KCNQ5: variants seen among roughly 807,000 people sequenced by gnomAD.
KCNQ5 encodes potassium voltage-gated channel subfamily Q member 5, also known as potassium voltage-gated channel subfamily KQT member 5.
Under a neutral mutation model 98.2 loss-of-function variants are expected in KCNQ5, and 30 were observed. The ratio of observed to expected loss-of-function variants is 0.31; its 90% CI spans 0.23 to 0.41. The LOEUF is 0.41. Ranked by LOEUF, KCNQ5 falls within the 10% of genes least tolerant of loss-of-function variation. KCNQ5 has a pLI of 1.00. For missense variants in KCNQ5, 835 were observed against 1,182.5 expected (o/e 0.71, Z 4.31); for synonymous variants, 458 against 449.4 (o/e 1.02, Z -0.24).
At chr6:72,877,326 G>C (rs1450313516) in intron 1 of KCNQ5, among the ~76,000 whole-genome samples, 1 of 152,034 alleles carries the variant, frequency 6.6e-6, no homozygotes, top group Admixed American at 6.6e-5. Context: ...TTGGTTTTCT[G>C]TTCCTGTGTT....
At chr6:72,860,006 A>G (rs1231382267) in intron 1 of KCNQ5, among the ~76,000 whole-genome samples, 1 of 152,134 alleles carries the variant, frequency 6.6e-6, no homozygotes, top group Non-Finnish European at 1.5e-5. Context: ...TCCATCCTCA[A>G]AAAGTGATTA....
In KCNQ5 at chr6:72,771,973, A is replaced by G. The variant is rs972999700; in HGVS notation, c.398+149386A>G. ...TGCTTTTGTTTATTTCTCTGGGGAG[A>G]TAGTCTATGGTTTTCAGCAAATTCT... is the stretch of plus-strand genomic sequence containing the variant. On this transcript the variant is annotated intron_variant, in intron 1 of 13. Coordinates refer to ENST00000370398, the MANE Select transcript of KCNQ5 (RefSeq NM_019842.4). 2.6e-5 allele frequency among the ~76,000 whole-genome samples: 4 copies of G among 152,024 alleles called. No homozygotes were observed. In the East Asian group the frequency reaches 7.7e-4, roughly 29 times the overall value.
At chr6:73,034,356 C>A (rs1245217867) in intron 2 of KCNQ5, among the ~76,000 whole-genome samples, 1 of 152,202 alleles carries the variant, frequency 6.6e-6, no homozygotes, top group Non-Finnish European at 1.5e-5. Context: ...AGCAATAGTT[C>A]TAATTATGTA....
At chr6:72,634,449 C>G (rs1401670624) in intron 1 of KCNQ5, among the ~76,000 whole-genome samples, 1 of 152,076 alleles carries the variant, frequency 6.6e-6, no homozygotes, top group Non-Finnish European at 1.5e-5. Flanking sequence ...TGGTTTTTAT[C>G]TAATTCTTTG....
intron 2 of KCNQ5, among the ~76,000 whole-genome samples, chr6:73,038,884 C>A (rs1446405931): frequency 6.6e-6 from 1 of 151,988 alleles, no homozygotes; most frequent in Non-Finnish European, 1.5e-5. Context: ...AAAGTTTTTT[C>A]TCCTCTATTT....
intron 1 of KCNQ5, among the ~76,000 whole-genome samples, chr6:72,700,931 A>G (rs1202867481): frequency 1.3e-5 from 2 of 152,242 alleles, no homozygotes; most frequent in South Asian, 2.1e-4. Context: ...ACCTAGAATC[A>G]TCAGATACCC....
intron 5 of KCNQ5, among the ~76,000 whole-genome samples, chr6:73,083,598 G>A (rs1203098481): frequency 6.6e-6 from 1 of 152,152 alleles, no homozygotes; most frequent in Non-Finnish European, 1.5e-5. Context: ...TCTTCATCAA[G>A]AATATTACAT....
intron 1 of KCNQ5, among the ~76,000 whole-genome samples, chr6:72,778,861 A>G (rs1334549156): frequency 6.6e-6 from 1 of 152,234 alleles, no homozygotes; most frequent in Non-Finnish European, 1.5e-5. Flanking sequence ...AGTTTTCAAA[A>G]CAAAGTGATC....
chr6:73,155,418 G>C (rs1777322385), intron 10 of KCNQ5, among the ~76,000 whole-genome samples: 1 of 152,178 alleles, frequency 6.6e-6, no homozygotes, highest in South Asian at 2.1e-4. Context: ...AAAGCAACGA[G>C]GATGGATGAG....
intron 1 of KCNQ5, among the ~76,000 whole-genome samples, chr6:72,796,510 G>C (rs1774344789): frequency 6.6e-6 from 1 of 152,156 alleles, no homozygotes; most frequent in Non-Finnish European, 1.5e-5. Flanking sequence ...CTCTGTGAAT[G>C]TCCTAAGCTC....
chr6:72,663,168 A>G (rs1030146883), intron 1 of KCNQ5, among the ~76,000 whole-genome samples: 3 of 152,150 alleles, frequency 2.0e-5, no homozygotes, highest in African/African-American at 7.2e-5. Context: ...GGATAGCATT[A>G]GTAGAAATAC....
At chr6:73,018,540 T>C (rs1259615140) in intron 2 of KCNQ5, among the ~76,000 whole-genome samples, 2 of 152,134 alleles carry the variant, frequency 1.3e-5, no homozygotes, top group Non-Finnish European at 1.5e-5. Context: ...TTAATTCATT[T>C]ATTCACTCAT....
chr6:72,857,007 T>A (rs1312169564), intron 1 of KCNQ5, among the ~76,000 whole-genome samples: 2 of 152,210 alleles, frequency 1.3e-5, no homozygotes, highest in African/African-American at 4.8e-5. Context: ...GAAGATACTC[T>A]GTCACAAAGT....
chr6:72,882,164 A>G (rs1326913709), intron 1 of KCNQ5, among the ~76,000 whole-genome samples: 1 of 152,262 alleles, frequency 6.6e-6, no homozygotes. Context: ...GAATAAAGAA[A>G]GCAAAAAGAC....
intron 10 of KCNQ5, among the ~76,000 whole-genome samples, chr6:73,167,095 A>G (rs1777831519): frequency 6.6e-6 from 1 of 152,234 alleles, no homozygotes; most frequent in South Asian, 2.1e-4. Flanking sequence ...ATTCCTGGAA[A>G]GAATGTCATC....
chr6:73,038,562 T>G (rs1375436083), intron 2 of KCNQ5, among the ~76,000 whole-genome samples: 1 of 151,774 alleles, frequency 6.6e-6, no homozygotes, highest in African/African-American at 2.4e-5. Context: ...TTGCCAAGAG[T>G]TTTTTTTAAT....
rs1314543461 is a variant in KCNQ5 at position 73,116,050 on chromosome 6, G to A, written c.1126-4433G>A. Reference sequence around the variant, plus strand: ...TAGTTCTGTTGGAAAGATCTGGAATGTAATCATAACAGGTACATATATGCA... The same window carrying A: ...TAGTTCTGTTGGAAAGATCTGGAATATAATCATAACAGGTACATATATGCA... On this transcript the variant is annotated intron_variant, in intron 7 of 13. Transcript: ENST00000370398. Among the ~76,000 whole-genome samples, 3 of 152,162 alleles carry A rather than the reference G, an allele frequency of 2.0e-5. No individual in the cohort carries two copies. The East Asian group carries it at 5.8e-4, about 29-fold the overall frequency.
In KCNQ5 at chr6:73,197,278, T is replaced by C. The variant is rs180712646; in HGVS notation, c.*1864T>C. 1.1e-4 allele frequency: 17 copies of C among 152,348 alleles called. No homozygotes were observed. The highest frequency in any genetic ancestry group is 3.6e-4 in the African/African-American group (15 of 41,576). The allele number at this position is 152,348 out of a possible 1,614,324, so 9.4% of individuals were successfully genotyped here. Reference sequence around the variant, plus strand: ...CCCCAGGTCAACCAGTTCTCCGCTTTACCTAAAATGTGCTTCTCAACCTTT... The same window carrying C: ...CCCCAGGTCAACCAGTTCTCCGCTTCACCTAAAATGTGCTTCTCAACCTTT... On this transcript the variant is annotated 3_prime_UTR_variant, in exon 14 of 14. Coordinates refer to ENST00000370398, the MANE Select transcript of KCNQ5 (RefSeq NM_019842.4).
chr6:72,676,430 C>T (rs911830695), intron 1 of KCNQ5, among the ~76,000 whole-genome samples: 19 of 152,116 alleles, frequency 1.2e-4, no homozygotes, highest in Admixed American at 6.5e-5. Context: ...AGGGCTGACA[C>T]AGGAGGGAGA....
Sources: gnomAD v4.1 joint callset for allele counts (sites outside exome capture counted in the v4.1 genomes callset) on GRCh38, gnomAD v4.1.1 for gene constraint, MANE v1.5 for transcripts, NCBI Gene and HGNC (gene_info 2026-07-23, HGNC 2026-07-21) for gene names.